EYA4: variants seen among roughly 807,000 people sequenced by gnomAD.
EYA4 encodes EYA transcriptional coactivator and phosphatase 4.
EYA4 carries 31 observed loss-of-function variants against 87.9 expected under a neutral mutation model. The observed-to-expected ratio is 0.35, with a 90% confidence interval of 0.27 to 0.48. The LOEUF is 0.48. EYA4 is among the 20% of genes least tolerant of loss of function. The pLI is 0.99. For missense variants in EYA4, 678 were observed against 761.4 expected (o/e 0.89, Z 1.29); for synonymous variants, 263 against 270.6 (o/e 0.97, Z 0.28).
intron 1 of EYA4, among the ~76,000 whole-genome samples, chr6:133,245,671 C>G (rs895361647): frequency 2.0e-5 from 3 of 152,154 alleles, no homozygotes; most frequent in African/African-American, 7.2e-5. Context: ...AATGCTGCAT[C>G]TTATAGTTAG....
At position 133,243,000 on chromosome 6, in the gene EYA4, G is replaced by A. The variant is rs1774090789; in HGVS notation, c.-66+1251G>A. On this transcript the variant is annotated intron_variant, in intron 1 of 19. Coordinates refer to ENST00000355286, the MANE Select transcript of EYA4 (RefSeq NM_004100.5). ...CTTAACCTGAGGGCAGGGGAGGAAG[G>A]TGCAGGTCCCTCTGCCCTTTCTGCC... Among the ~76,000 whole-genome samples, 4 of 152,278 alleles carry A rather than the reference G, an allele frequency of 2.6e-5. No individual in the cohort carries two copies. In the South Asian group the frequency reaches 8.3e-4, roughly 32 times the overall value.
chr6:133,331,536 A>C (rs1781960377), intron 2 of EYA4, among the ~76,000 whole-genome samples: 1 of 152,206 alleles, frequency 6.6e-6, no homozygotes, highest in African/African-American at 2.4e-5. Flanking sequence ...ATTATTAATC[A>C]GGAGTTGACA....
intron 2 of EYA4, among the ~76,000 whole-genome samples, chr6:133,356,444 C>A (rs9493606): frequency 0.032 from 4,925 of 152,176 alleles, 234 homozygotes; most frequent in African/African-American, 0.11. Context: ...TAGGGAACTT[C>A]GTGCTTGACT....
At position 133,368,633 on chromosome 6, in the gene EYA4, G is replaced by A. The variant is rs191139263; in HGVS notation, c.34-13759G>A. The stretch of plus-strand genomic sequence containing the variant: ...AACCATACTAGGAACAAAGAATTGC[G>A]TCTGTCAAAATGGGATCTCTGGCGC... On this transcript the variant is annotated intron_variant, in intron 2 of 19. Coordinates refer to ENST00000355286, the MANE Select transcript of EYA4 (RefSeq NM_004100.5). 2.3e-3 allele frequency among the ~76,000 whole-genome samples: 348 copies of A among 152,268 alleles called. 2 individuals carry two copies. Among genetic ancestry groups the A allele is most frequent in the Non-Finnish European group, 2.6e-3 (178 of 68,008 alleles).
chr6:133,417,433 A>C (rs1383300674), intron 3 of EYA4, among the ~76,000 whole-genome samples: 1 of 152,196 alleles, frequency 6.6e-6, no homozygotes, highest in Non-Finnish European at 1.5e-5. Context: ...AGACAGTGAA[A>C]GAGGACCTGA....
intron 1 of EYA4, among the ~76,000 whole-genome samples, chr6:133,250,497 C>T (rs1050584354): frequency 6.6e-6 from 1 of 152,038 alleles, no homozygotes; most frequent in Non-Finnish European, 1.5e-5. Context: ...CAAAAATTAG[C>T]TGGGCGTGGT....
chr6:133,320,098 G>C (rs1780959670), intron 2 of EYA4, among the ~76,000 whole-genome samples: 1 of 146,412 alleles, frequency 6.8e-6, no homozygotes, highest in African/African-American at 2.5e-5. Flanking sequence ...TTGTGTGTTT[G>C]TATGTATTCA....
intron 13 of EYA4, among the ~76,000 whole-genome samples, chr6:133,502,847 C>G (rs1348041492): frequency 6.6e-6 from 1 of 152,198 alleles, no homozygotes; most frequent in Non-Finnish European, 1.5e-5. Context: ...TGAAACCTCT[C>G]TCTTTCAATA....
chr6:133,281,321 A>G (rs745823913), intron 2 of EYA4, among the ~76,000 whole-genome samples: 11 of 151,990 alleles, frequency 7.2e-5, no homozygotes, highest in Non-Finnish European at 1.5e-4. Context: ...CAGTTTATCT[A>G]TTTTTTTCTT....
chr6:133,465,812 G>T (rs1794788301), intron 10 of EYA4, among the ~76,000 whole-genome samples: 2 of 151,988 alleles, frequency 1.3e-5, no homozygotes. Flanking sequence ...TAGTTTTATT[G>T]ATATCACAAA....
intron 11 of EYA4, among the ~76,000 whole-genome samples, chr6:133,481,047 G>GTGGAAGGGAAGATGGGA (rs1562470423): frequency 5.9e-5 from 9 of 151,850 alleles, no homozygotes; most frequent in African/African-American, 1.9e-4. Flanking sequence ...GATGAGAGAG[G>GTGGAAGGGAAGATGGGA]GTTTGACTAA....
At chr6:133,301,554 C>T (rs1582894058) in intron 2 of EYA4, among the ~76,000 whole-genome samples, 1 of 152,320 alleles carries the variant, frequency 6.6e-6, no homozygotes, top group African/African-American at 2.4e-5. Context: ...AATTACTGCA[C>T]ATTAAGCATG....
intron 2 of EYA4, among the ~76,000 whole-genome samples, chr6:133,359,935 A>G (rs1412824610): frequency 6.6e-6 from 1 of 152,174 alleles, no homozygotes; most frequent in Non-Finnish European, 1.5e-5. Flanking sequence ...AACAAATGCA[A>G]TCAGACCTCT....
chr6:133,325,714 T>A (rs1002254400), intron 2 of EYA4, among the ~76,000 whole-genome samples: 1 of 152,218 alleles, frequency 6.6e-6, no homozygotes, highest in African/African-American at 2.4e-5. Flanking sequence ...GGTCAGCAGA[T>A]GTTTTTTGTA....
intron 1 of EYA4, among the ~76,000 whole-genome samples, chr6:133,274,367 T>C (rs1241118835): frequency 2.0e-5 from 3 of 152,232 alleles, no homozygotes; most frequent in African/African-American, 7.2e-5. Flanking sequence ...AAGTAAATGG[T>C]TAATTCAAAC....
chr6:133,474,224 A>G (rs1795525701), intron 11 of EYA4, among the ~76,000 whole-genome samples: 1 of 152,064 alleles, frequency 6.6e-6, no homozygotes, highest in South Asian at 2.1e-4. Flanking sequence ...CCATTTGTGT[A>G]CTCAGATACG....
At chr6:133,290,730 C>T (rs1428384689) in intron 2 of EYA4, among the ~76,000 whole-genome samples, 5 of 152,216 alleles carry the variant, frequency 3.3e-5, no homozygotes, top group Admixed American at 6.5e-5. Context: ...AAATCCTTTA[C>T]GTTAGTTTAA....
chr6:133,377,323 T>G (rs1785776830), intron 2 of EYA4, among the ~76,000 whole-genome samples: 1 of 152,064 alleles, frequency 6.6e-6, no homozygotes, highest in Non-Finnish European at 1.5e-5. Flanking sequence ...ATAGTAAGAC[T>G]TTGAAATCTG....
intron 2 of EYA4, among the ~76,000 whole-genome samples, chr6:133,343,686 A>G (rs1782984420): frequency 1.3e-5 from 2 of 151,692 alleles, no homozygotes; most frequent in East Asian, 1.9e-4. Context: ...AACACACCAC[A>G]TTACTATTTA....
Sources: allele counts gnomAD v4.1 joint callset (sites outside exome capture counted in the v4.1 genomes callset), GRCh38; gene constraint gnomAD v4.1.1; transcripts MANE v1.5; gene names NCBI Gene and HGNC (gene_info 2026-07-23, HGNC 2026-07-21).